TMEFF2: variants seen among roughly 807,000 people sequenced by gnomAD.
TMEFF2 encodes transmembrane protein with EGF like and two follistatin like domains 2, also known as tomoregulin-2.
In TMEFF2, 28 loss-of-function variants were observed where a neutral mutation model predicts 53.8. The ratio of observed to expected loss-of-function variants is 0.52; its 90% CI spans 0.39 to 0.71. TMEFF2 has a LOEUF of 0.71. Ranked by LOEUF, TMEFF2 falls within the 30% of genes least tolerant of loss-of-function variation. The probability of loss-of-function intolerance (pLI) is 0.00; values close to 1 mark genes in which losing one functional copy is unlikely to be tolerated. For missense variants in TMEFF2, 353 were observed against 455.2 expected (o/e 0.78, Z 2.04); for synonymous variants, 162 against 166.3 (o/e 0.97, Z 0.20).
At chr2:192,123,200 C>T (rs1689599108) in intron 4 of TMEFF2, among the ~76,000 whole-genome samples, 1 of 152,150 alleles carries the variant, frequency 6.6e-6, no homozygotes, top group Non-Finnish European at 1.5e-5. Context: ...AAAGGATCTA[C>T]TCTTCAGTGT....
intron 5 of TMEFF2, among the ~76,000 whole-genome samples, chr2:192,005,052 G>T (rs1686467272): frequency 6.6e-6 from 1 of 152,058 alleles, no homozygotes; most frequent in Non-Finnish European, 1.5e-5. Flanking sequence ...AGCCTTACTC[G>T]AAAATAATAA....
At chr2:192,125,137 T>G (rs1325056071) in intron 4 of TMEFF2, among the ~76,000 whole-genome samples, 2 of 152,212 alleles carry the variant, frequency 1.3e-5, no homozygotes, top group African/African-American at 4.8e-5. Context: ...AATTATATTT[T>G]TAAAAGTTTT....
chr2:192,003,692 G>A (rs941845873), intron 5 of TMEFF2, among the ~76,000 whole-genome samples: 1 of 152,152 alleles, frequency 6.6e-6, no homozygotes, highest in African/African-American at 2.4e-5. Flanking sequence ...TAAATAAAAT[G>A]CTATATAAAG....
At chr2:192,163,095 T>C (rs1373227392) in intron 4 of TMEFF2, among the ~76,000 whole-genome samples, 1 of 152,202 alleles carries the variant, frequency 6.6e-6, no homozygotes, top group Non-Finnish European at 1.5e-5. Flanking sequence ...GCTTTCTGCA[T>C]CTGGAAGTGA....
chr2:192,117,069 T>G (rs1689431065), intron 4 of TMEFF2, among the ~76,000 whole-genome samples: 1 of 152,198 alleles, frequency 6.6e-6, no homozygotes, highest in African/African-American at 2.4e-5. Context: ...GTAATGTTTT[T>G]GACCAATTAT....
intron 4 of TMEFF2, among the ~76,000 whole-genome samples, chr2:192,108,120 T>G (rs1377643667): frequency 1.3e-5 from 2 of 151,958 alleles, no homozygotes; most frequent in African/African-American, 4.8e-5. Flanking sequence ...ACAGGTCAAT[T>G]TTTTAAAAAA....
chr2:192,175,031 C>G (rs999387066), intron 4 of TMEFF2, among the ~76,000 whole-genome samples: 1 of 151,598 alleles, frequency 6.6e-6, no homozygotes, highest in Non-Finnish European at 1.5e-5. Flanking sequence ...GAATAATTTT[C>G]TTTTCATAAT....
In TMEFF2 at chr2:192,159,306, A is replaced by C. The variant is rs16834260; in HGVS notation, c.439+20362T>G. Among the ~76,000 whole-genome samples the C allele has an allele frequency of 4.0e-3, 607 of 152,200 alleles. 4 individuals are homozygous for C. Among genetic ancestry groups the C allele is most frequent in the African/African-American group, 0.014 (566 of 41,536 alleles). On this transcript the variant is annotated intron_variant, in intron 4 of 9. Coordinates refer to ENST00000272771, the MANE Select transcript of TMEFF2 (RefSeq NM_016192.4). ...TCAAGGCCGAAGGATAGCATCAGGGACTAATTCTTCATTTGACAAATAGAT... is the reference window on the plus strand; with the variant it reads ...TCAAGGCCGAAGGATAGCATCAGGGCCTAATTCTTCATTTGACAAATAGAT...
At chr2:191,964,233 C>T (rs200642472) in intron 7 of TMEFF2, among the ~76,000 whole-genome samples, 1 of 7,150 alleles carries the variant, frequency 1.4e-4, no homozygotes, top group Non-Finnish European at 3.1e-4. Flanking sequence ...TCTTTCTTTC[C>T]TTCCTTCCTT....
intron 7 of TMEFF2, among the ~76,000 whole-genome samples, chr2:191,964,699 G>T (rs1692420762): frequency 6.6e-6 from 1 of 151,872 alleles, no homozygotes; most frequent in Non-Finnish European, 1.5e-5. Flanking sequence ...TACAAGTGTT[G>T]TCTCTGCTCC....
intron 5 of TMEFF2, among the ~76,000 whole-genome samples, chr2:192,007,606 C>T (rs1686529514): frequency 6.6e-6 from 1 of 152,190 alleles, no homozygotes; most frequent in African/African-American, 2.4e-5. Context: ...ACGCTCTAGA[C>T]AGATTGCAAA....
At position 192,078,424 on chromosome 2, in the gene TMEFF2, T is replaced by C. The variant is rs186618090; in HGVS notation, c.440-20649A>G. ...ACTCCTTGGATCTGGACAAAAATAT[T>C]TATATTCAAACCCAGTCTCTTGTGT... On this transcript the variant is annotated intron_variant, in intron 4 of 9. Coordinates refer to ENST00000272771, the MANE Select transcript of TMEFF2 (RefSeq NM_016192.4). Among the ~76,000 whole-genome samples the C allele has an allele frequency of 9.9e-5, 15 of 152,272 alleles. No individual in the cohort carries two copies. The East Asian group carries it at 2.9e-3, about 29-fold the overall frequency.
At position 191,968,547 on chromosome 2, in the gene TMEFF2, G is replaced by T. The variant is rs190243320; in HGVS notation, c.746-12169C>A. The stretch of plus-strand genomic sequence containing the variant: ...GACATAGAACATGCTCTTTAGACCA[G>T]AGTTTCCTGAGGGGAGCTCTGTTGA... On this transcript the variant is annotated intron_variant, in intron 7 of 9. Transcript: ENST00000272771. Among the ~76,000 whole-genome samples, 225 of 152,304 alleles carry T rather than the reference G, an allele frequency of 1.5e-3. 1 individual carries two copies. Among genetic ancestry groups the T allele is most frequent in the Non-Finnish European group, 2.2e-3 (148 of 68,022 alleles).
At chr2:192,141,060 C>A (rs781224914) in intron 4 of TMEFF2, among the ~76,000 whole-genome samples, 13 of 152,064 alleles carry the variant, frequency 8.5e-5, no homozygotes, top group Non-Finnish European at 1.8e-4. Flanking sequence ...GGTATGTACT[C>A]CATTAATTTT....
At chr2:191,987,864 T>C (rs185614956) in intron 7 of TMEFF2, among the ~76,000 whole-genome samples, 12 of 152,198 alleles carry the variant, frequency 7.9e-5, no homozygotes, top group Admixed American at 7.9e-4. Flanking sequence ...ATAACACACA[T>C]ATAATTTCTA....
rs560697911 is a variant in TMEFF2 at position 191,957,349 on chromosome 2, T to G, written c.746-971A>C. 5.9e-5 allele frequency among the ~76,000 whole-genome samples: 9 copies of G among 152,330 alleles called. No individual in the cohort carries two copies. The South Asian group carries it at 1.9e-3, about 32-fold the overall frequency. On this transcript the variant is annotated intron_variant, in intron 7 of 9. Coordinates refer to ENST00000272771, the MANE Select transcript of TMEFF2 (RefSeq NM_016192.4). ...AAACACATGAGAAATATAGCTTTTA[T>G]GAACTCAATCTGAAGACACTCTTCA...
chr2:191,953,577 G>T, intron 9 of TMEFF2, 102 bp downstream of exon 9: 2 of 1,309,692 alleles, frequency 1.5e-6, no homozygotes, highest in Non-Finnish European at 2.1e-6. Flanking sequence ...AGAATGGATG[G>T]CTGCAGAGTC....
intron 4 of TMEFF2, among the ~76,000 whole-genome samples, chr2:192,086,212 G>A (rs757825081): frequency 1.3e-5 from 2 of 152,158 alleles, no homozygotes; most frequent in Admixed American, 6.5e-5. Context: ...ATATCCGGTT[G>A]TTGGTTGACT....
intron 2 of TMEFF2, among the ~76,000 whole-genome samples, chr2:192,189,555 C>CAAAAAAACAAAAAAAAAAAAAAAAA (rs1691408566): frequency 2.4e-5 from 1 of 41,102 alleles, no homozygotes; most frequent in Non-Finnish European, 4.5e-5. Context: ...CCAAAAATTC[C>CAAAAAAACAAAAAAAAAAAAAAAAA]AAAAAAAAAA....
Sources: gnomAD v4.1 joint callset for allele counts (sites outside exome capture counted in the v4.1 genomes callset) on GRCh38, gnomAD v4.1.1 for gene constraint, MANE v1.5 for transcripts, NCBI Gene and HGNC (gene_info 2026-07-23, HGNC 2026-07-21) for gene names.